Variants in EYS observed in about 807,000 individuals in gnomAD.
The protein encoded by EYS is EGF-like photoreceptor maintenance factor.
In EYS, 250 loss-of-function variants were observed where a neutral mutation model predicts 282.1. That is an observed-to-expected ratio of 0.89 (90% CI 0.80 to 0.98). The LOEUF is 0.98. EYS is among the 50% of genes least tolerant of loss of function. EYS has a pLI of 0.00. For missense variants in EYS, 4,016 were observed against 3,709.0 expected (o/e 1.08, Z -2.15); for synonymous variants, 1,355 against 1,282.9 (o/e 1.06, Z -1.20).
intron 14 of EYS, among the ~76,000 whole-genome samples, chr6:64,975,835 AAT>A (rs1481063563): frequency 1.3e-5 from 2 of 151,886 alleles, no homozygotes; most frequent in African/African-American, 2.4e-5. Context: ...TGTTATTGAA[AAT>A]ATATGTTAAA....
At chr6:64,950,003 C>T (rs1769430569) in intron 14 of EYS, among the ~76,000 whole-genome samples, 1 of 151,840 alleles carries the variant, frequency 6.6e-6, no homozygotes, top group South Asian at 2.1e-4. Flanking sequence ...GACAGAAGTA[C>T]CACGATTGGC....
At chr6:64,274,625 G>A (rs57703057) in intron 30 of EYS, among the ~76,000 whole-genome samples, 1 of 151,360 alleles carries the variant, frequency 6.6e-6, no homozygotes, top group Non-Finnish European at 1.5e-5. Context: ...TCTTCAGTCA[G>A]ATGTCAGCCC....
intron 12 of EYS, among the ~76,000 whole-genome samples, chr6:65,115,840 T>C (rs1428351861): frequency 6.6e-6 from 1 of 152,156 alleles, no homozygotes; most frequent in Non-Finnish European, 1.5e-5. Context: ...TAGGACATCA[T>C]ATAACTAAGT....
intron 26 of EYS, among the ~76,000 whole-genome samples, chr6:64,457,310 G>T (rs925705602): frequency 2.0e-5 from 3 of 151,872 alleles, no homozygotes; most frequent in Admixed American, 2.0e-4. Context: ...AATGTTTTAT[G>T]TTTAGTTGAA....
At chr6:63,815,605 TAAC>T (rs1263670994) in intron 36 of EYS, among the ~76,000 whole-genome samples, 1 of 152,210 alleles carries the variant, frequency 6.6e-6, no homozygotes, top group Non-Finnish European at 1.5e-5. Flanking sequence ...AAACACATAT[TAAC>T]TACTTTGCAG....
chr6:63,804,888 A>C (rs1424231904), intron 37 of EYS, among the ~76,000 whole-genome samples: 1 of 152,216 alleles, frequency 6.6e-6, no homozygotes. Flanking sequence ...AGGTTTCAGC[A>C]TAGGGATGGG....
At chr6:65,266,989 T>TATAGAGAG (rs144200033) in intron 12 of EYS, among the ~76,000 whole-genome samples, 4,390 of 142,072 alleles carry the variant, frequency 0.031, 83 homozygotes, top group Non-Finnish European at 0.043. Context: ...TATATATATA[T>TATAGAGAG]AGAGAGAGAG....
At chr6:64,243,734 A>G (rs180723530) in intron 30 of EYS, among the ~76,000 whole-genome samples, 3 of 152,328 alleles carry the variant, frequency 2.0e-5, no homozygotes, top group South Asian at 2.1e-4. Flanking sequence ...CAAAACTAAA[A>G]TACAACAACA....
chr6:64,300,812 A>C (rs1374669960), intron 30 of EYS, among the ~76,000 whole-genome samples: 1 of 152,218 alleles, frequency 6.6e-6, no homozygotes, highest in Non-Finnish European at 1.5e-5. Context: ...GCAGAACAGG[A>C]CAGAGAAAGA....
At chr6:65,609,289 A>C (rs1459558239) in intron 2 of EYS, among the ~76,000 whole-genome samples, 1 of 150,950 alleles carries the variant, frequency 6.6e-6, no homozygotes, top group Non-Finnish European at 1.5e-5. Context: ...TCCATCCTTG[A>C]CTGAAACAAC....
chr6:64,557,577 A>C (rs1765271237), intron 26 of EYS, among the ~76,000 whole-genome samples: 2 of 152,144 alleles, frequency 1.3e-5, no homozygotes, highest in African/African-American at 4.8e-5. Context: ...TATATTTTTA[A>C]AAAGGTTAAA....
chr6:65,257,909 G>A (rs1217119500), intron 12 of EYS, among the ~76,000 whole-genome samples: 4 of 151,738 alleles, frequency 2.6e-5, no homozygotes, highest in Non-Finnish European at 5.9e-5. Flanking sequence ...TAGTTAAAAT[G>A]AAAAAGATCT....
intron 22 of EYS, among the ~76,000 whole-genome samples, chr6:64,719,358 A>G (rs1338722669): frequency 6.6e-6 from 1 of 152,218 alleles, no homozygotes; most frequent in African/African-American, 2.4e-5. Context: ...TTATGGGAAC[A>G]ATAGAAAATG....
At chr6:64,280,172 A>G (rs1768254285) in intron 30 of EYS, among the ~76,000 whole-genome samples, 2 of 152,178 alleles carry the variant, frequency 1.3e-5, no homozygotes, top group African/African-American at 4.8e-5. Flanking sequence ...TAAAAATATC[A>G]AGTAAATAAA....
intron 12 of EYS, among the ~76,000 whole-genome samples, chr6:65,252,241 A>G (rs886272828): frequency 6.6e-6 from 1 of 151,928 alleles, no homozygotes; most frequent in Admixed American, 6.6e-5. Flanking sequence ...CATTTTTAAT[A>G]AACTCCTAAA....
At chr6:65,121,651 C>A (rs1193217998) in intron 12 of EYS, among the ~76,000 whole-genome samples, 1 of 152,120 alleles carries the variant, frequency 6.6e-6, no homozygotes, top group East Asian at 1.9e-4. Flanking sequence ...AGCATGTTTA[C>A]TTTAGCAGTG....
intron 2 of EYS, among the ~76,000 whole-genome samples, chr6:65,539,478 A>G (rs1449399873): frequency 1.3e-5 from 2 of 152,190 alleles, no homozygotes. Flanking sequence ...GAGAATGATT[A>G]GAATTAAACA....
Position 63,788,152 on chromosome 6 carries a change from G to A in EYS, c.7676C>T (p.Thr2559Ile), listed in dbSNP as rs913910892. Residue 2559 changes from threonine to isoleucine, a missense_variant, in exon 39 of 43, where the codon ACT becomes ATT. By Grantham distance (89) the Thr-to-Ile change is moderately conservative. Transcript: ENST00000503581. ...QFYVGGYSEY[T>I]PDLLPNGADF... ...TGCTCCATTTGGTAAGAGATCTGGA[G>A]TGTATTCACTGTAGCCACCTACATA... 7.1e-6 allele frequency: 11 copies of A among 1,549,040 alleles called. No individual in the cohort carries two copies. Among genetic ancestry groups the A allele is most frequent in the Admixed American group, 5.9e-5 (3 of 50,548 alleles).
intron 15 of EYS, among the ~76,000 whole-genome samples, chr6:64,944,395 T>A (rs533530632): frequency 6.6e-6 from 1 of 152,150 alleles, no homozygotes; most frequent in East Asian, 1.9e-4. Flanking sequence ...AGCTTCTGCA[T>A]AGCAAAGGAA....
Sources: gnomAD v4.1 joint callset for allele counts (sites outside exome capture counted in the v4.1 genomes callset) on GRCh38, gnomAD v4.1.1 for gene constraint, MANE v1.5 for transcripts, NCBI Gene and HGNC (gene_info 2026-07-23, HGNC 2026-07-21) for gene names.